Variants in ACOT11 observed in about 807,000 individuals in gnomAD.
The protein encoded by ACOT11 is acyl-CoA thioesterase 11, also known as acyl-coenzyme A thioesterase 11.
Under a neutral mutation model 77.5 loss-of-function variants are expected in ACOT11, and 69 were observed. The ratio of observed to expected loss-of-function variants is 0.89; its 90% CI spans 0.73 to 1.09. The LOEUF (loss-of-function observed/expected upper bound fraction) is 1.09, where lower values mean the gene tolerates loss of function less well. ACOT11 is among the 50% of genes least tolerant of loss of function. ACOT11 has a pLI of 0.00. For missense variants in ACOT11, 766 were observed against 813.7 expected (o/e 0.94, Z 0.71); for synonymous variants, 279 against 313.0 (o/e 0.89, Z 1.15).
chr1:54,632,116 C>A (rs1384993886), intron 16 of ACOT11, among the ~76,000 whole-genome samples: 5 of 152,178 alleles, frequency 3.3e-5, no homozygotes, highest in Non-Finnish European at 1.5e-5. Flanking sequence ...AACTGCTGAT[C>A]CTGAAATATG....
chr1:54,623,418 C>T (rs1482484299), intron 15 of ACOT11: 3 of 1,587,116 alleles, frequency 1.9e-6, no homozygotes, highest in African/African-American at 1.3e-5. Context: ...TGGGGAATGC[C>T]CCCAACTCCG....
chr1:54,591,071 A>G (rs1165465918), intron 3 of ACOT11, among the ~76,000 whole-genome samples: 2 of 152,166 alleles, frequency 1.3e-5, no homozygotes, highest in African/African-American at 2.4e-5. Flanking sequence ...TCTCTCTGCT[A>G]AACGATTTGA....
intron 1 of ACOT11, among the ~76,000 whole-genome samples, chr1:54,567,704 C>T (rs1333531498): frequency 6.6e-6 from 1 of 152,160 alleles, no homozygotes; most frequent in Non-Finnish European, 1.5e-5. Flanking sequence ...CGACCACCCT[C>T]TCCAACTGGC....
chr1:54,561,742 C>T (rs200510648), intron 1 of ACOT11, among the ~76,000 whole-genome samples: 13 of 119,158 alleles, frequency 1.1e-4, no homozygotes, highest in Non-Finnish European at 1.4e-4. Flanking sequence ...GCTGACCCCC[C>T]CCACCTCCCT....
chr1:54,610,260 T>TC lies in ACOT11; in HGVS notation c.*1151dup, dbSNP rs1227941380. The TC allele has an allele frequency of 6.1e-6, 9 of 1,473,932 alleles. No individual in the cohort carries two copies. In the African/African-American group the frequency reaches 1.3e-4, roughly 21 times the overall value. The allele number at this position is 1,473,932 out of a possible 1,614,324, so 91.3% of individuals were successfully genotyped here. A position where few individuals can be genotyped will look rare whatever the true frequency, so the allele number is the denominator to read the frequency against. ...GCTCTTGACATCACTGTACTCCCTC[T>TC]CCCTCCCCGCAACCCTGCCCCACCT... On this transcript the variant is annotated 3_prime_UTR_variant, in exon 16 of 16. Coordinates refer to ENST00000343744, the MANE Select transcript of ACOT11 (RefSeq NM_147161.4).
Position 54,608,974 on chromosome 1 carries a change from G to C in ACOT11, c.1647G>C (p.Gln549His), listed in dbSNP as rs45542642. The C allele has an allele frequency of 3.1e-6, 5 of 1,613,800 alleles. No individual in the cohort carries two copies. The highest frequency in any genetic ancestry group is 8.5e-7 in the Non-Finnish European group (1 of 1,179,898). The change falls in exon 16 of 16, where the codon CAG becomes CAC. Residue 549 changes from glutamine (Q) to histidine (H), a missense_variant. Physicochemically the swap from Gln to His is conservative, Grantham distance 24 (BLOSUM62 0). Transcript: ENST00000343744. ...CCCTGCAGGTATCCTACTACAACCA[G>C]GCCACCCCAGGTGTTCTCAACTATG... ...DQLTKVSYYN[Q>H]ATPGVLNYVT...
At chr1:54,623,244 A>C (rs1293603522) in intron 15 of ACOT11, 1 of 1,434,646 alleles carries the variant, frequency 7.0e-7, no homozygotes, top group African/African-American at 1.4e-5. Flanking sequence ...CGATGAGGGA[A>C]GCCACTCAGG....
At chr1:54,572,820 C>G (rs1026987813) in intron 1 of ACOT11, among the ~76,000 whole-genome samples, 1 of 152,214 alleles carries the variant, frequency 6.6e-6, no homozygotes, top group Non-Finnish European at 1.5e-5. Flanking sequence ...TGGGAGCAAA[C>G]AAGCTCATGC....
intron 1 of ACOT11, among the ~76,000 whole-genome samples, chr1:54,575,378 G>A (rs1338623126): frequency 6.6e-6 from 1 of 152,206 alleles, no homozygotes; most frequent in East Asian, 1.9e-4. Context: ...GAGGGTAGGT[G>A]TCAGATTTCA....
At chr1:54,599,482 G>A in intron 8 of ACOT11, 67 bp downstream of exon 8, 1 of 1,440,414 alleles carries the variant, frequency 6.9e-7, no homozygotes, top group South Asian at 1.5e-5. Context: ...CCCTAGAAAG[G>A]ACCCTACTTC....
At chr1:54,637,537 C>CT (rs1338874826) in exon 17 of ACOT11, 1 of 152,214 alleles carries the variant, frequency 6.6e-6, no homozygotes, top group African/African-American at 2.4e-5. Flanking sequence ...AATCCCAGCA[C>CT]TTTGGGAGGC....
chr1:54,614,741 C>T (rs1161982029), downstream of ACOT11: 3 of 1,613,938 alleles, frequency 1.9e-6, no homozygotes, highest in East Asian at 2.2e-5. Flanking sequence ...TGTTGGGGCC[C>T]TTTAAGATGT....
chr1:54,616,217 A>G, intron 15 of ACOT11: 1 of 1,537,228 alleles, frequency 6.5e-7, no homozygotes, highest in African/African-American at 1.4e-5. Context: ...TTTTAAAAAA[A>G]GAAAACTTCT....
At chr1:54,563,011 C>A (rs1475445347) in intron 1 of ACOT11, among the ~76,000 whole-genome samples, 1 of 149,012 alleles carries the variant, frequency 6.7e-6, no homozygotes, top group Non-Finnish European at 1.5e-5. Context: ...GGGTGGCGGC[C>A]GGGCAGAGGC....
rs1189803916 is a variant in ACOT11 at position 54,599,181 on chromosome 1, AATATATATATATATATATATAT to A, written c.765-93_765-72del. On this transcript the variant is annotated intron_variant, in intron 7 of 15. Transcript: ENST00000343744. ...AAAAAAAAAAAAAAAAAAAAAAAAAAATATATATATATATATATATATATATATATATATATATATATAAAAA... is the reference window on the plus strand; with the variant it reads ...AAAAAAAAAAAAAAAAAAAAAAAAAAATATATATATATATATATATAAAAA... The A allele has an allele frequency of 3.3e-3, 112 of 34,030 alleles. 5 individuals are homozygous for A. The highest frequency in any genetic ancestry group is 0.014 in the African/African-American group (94 of 6,860). The allele number at this position is 34,030 out of a possible 1,614,324, so 2.1% of individuals were successfully genotyped here.
chr1:54,611,645 T>C (rs1644119673), downstream of ACOT11: 8 of 1,614,060 alleles, frequency 5.0e-6, no homozygotes, highest in Non-Finnish European at 6.8e-6. Flanking sequence ...GGCTCAAAGA[T>C]GTCATAGTAG....
chr1:54,548,668 T>C (rs925575797), intron 1 of ACOT11: 2 of 411,486 alleles, frequency 4.9e-6, no homozygotes, highest in Non-Finnish European at 4.4e-6. Context: ...TTCTGGGGGA[T>C]GTCTGAGCTC....
At chr1:54,608,193 A>C in intron 15 of ACOT11, 125 bp downstream of exon 15, 1 of 820,020 alleles carries the variant, frequency 1.2e-6, no homozygotes, top group Non-Finnish European at 1.8e-6. Flanking sequence ...TCCCCCTTCC[A>C]GCCTGGGGGA....
chr1:54,620,048 C>A (rs778764073), intron 15 of ACOT11: 36 of 1,602,550 alleles, frequency 2.2e-5, no homozygotes, highest in Non-Finnish European at 2.9e-5. Context: ...CTGTCCTCGC[C>A]CCAGCCCAAG....
Sources: gnomAD v4.1 joint callset for allele counts (sites outside exome capture counted in the v4.1 genomes callset) on GRCh38, gnomAD v4.1.1 for gene constraint, MANE v1.5 for transcripts, NCBI Gene and HGNC (gene_info 2026-07-23, HGNC 2026-07-21) for gene names.